Variants in DLG2 observed in about 807,000 individuals in gnomAD.
DLG2 encodes the protein disks large homolog 2.
A neutral mutation model predicts 132.5 loss-of-function variants in DLG2; 45 were observed. The ratio of observed to expected loss-of-function variants is 0.34; its 90% CI spans 0.27 to 0.44. The LOEUF (loss-of-function observed/expected upper bound fraction) is 0.44. Ranked by LOEUF, DLG2 falls within the 20% of genes least tolerant of loss-of-function variation. DLG2 has a pLI of 1.00. For missense variants in DLG2, 1,045 were observed against 1,196.9 expected, an observed-to-expected ratio of 0.87 and a Z score of 1.87; for synonymous variants, 424 against 419.6, an observed-to-expected ratio of 1.01 and a Z score of -0.13.
intron 19 of DLG2, among the ~76,000 whole-genome samples, chr11:83,562,837 G>A (rs1339695155): frequency 6.6e-6 from 1 of 151,942 alleles, no homozygotes; most frequent in Non-Finnish European, 1.5e-5. Flanking sequence ...AATCTGGATG[G>A]CAAACTCCAC....
intron 18 of DLG2, among the ~76,000 whole-genome samples, chr11:83,694,307 A>G (rs2081497033): frequency 6.6e-6 from 1 of 152,198 alleles, no homozygotes; most frequent in Non-Finnish European, 1.5e-5. Context: ...AACATCCTAC[A>G]GGGCTGCCTG....
intron 6 of DLG2, among the ~76,000 whole-genome samples, chr11:85,081,662 C>A (rs1286797937): frequency 7.2e-5 from 11 of 152,156 alleles, no homozygotes; most frequent in Admixed American, 7.2e-4. Flanking sequence ...TGCCCAAGGT[C>A]CAATTATGAG....
intron 3 of DLG2, among the ~76,000 whole-genome samples, chr11:85,545,984 G>C (rs2076298182): frequency 6.6e-6 from 1 of 151,902 alleles, no homozygotes; most frequent in Non-Finnish European, 1.5e-5. Context: ...TTGTGTCTCT[G>C]TCTCCTTCAG....
At chr11:84,882,224 A>G (rs2087460081) in intron 6 of DLG2, among the ~76,000 whole-genome samples, 1 of 152,100 alleles carries the variant, frequency 6.6e-6, no homozygotes, top group African/African-American at 2.4e-5. Flanking sequence ...TCTGAAGGAA[A>G]TGTAAATCAT....
chr11:84,448,508 C>G (rs2099042222), intron 7 of DLG2, among the ~76,000 whole-genome samples: 1 of 152,142 alleles, frequency 6.6e-6, no homozygotes. Context: ...CCAATGTGCT[C>G]TATAAATTTG....
chr11:83,763,599 C>T (rs2094009441), intron 18 of DLG2, among the ~76,000 whole-genome samples: 1 of 152,154 alleles, frequency 6.6e-6, no homozygotes, highest in Admixed American at 6.5e-5. Context: ...GAATGATCAC[C>T]ATATTTCATC....
At chr11:84,736,763 C>T (rs1253935204) in intron 6 of DLG2, among the ~76,000 whole-genome samples, 1 of 151,898 alleles carries the variant, frequency 6.6e-6, no homozygotes, top group South Asian at 2.1e-4. Context: ...GCTAAACTCA[C>T]CTATTAGTCT....
At chr11:85,302,306 A>T (rs951104250) in intron 3 of DLG2, among the ~76,000 whole-genome samples, 1 of 30,302 alleles carries the variant, frequency 3.3e-5, no homozygotes, top group African/African-American at 1.0e-4. Context: ...TAAAGAAATA[A>T]CATATTTTAC....
intron 24 of DLG2, among the ~76,000 whole-genome samples, chr11:83,470,541 C>T (rs1331102142): frequency 6.6e-6 from 1 of 152,102 alleles, no homozygotes; most frequent in African/African-American, 2.4e-5. Context: ...TGCTTAAGTA[C>T]CTTCTGTTTT....
At chr11:83,504,083 G>A (rs2094577575) in intron 21 of DLG2, among the ~76,000 whole-genome samples, 1 of 152,124 alleles carries the variant, frequency 6.6e-6, no homozygotes, top group South Asian at 2.1e-4. Flanking sequence ...GAAATAAAAT[G>A]AAGATATTTT....
At chr11:84,676,158 G>A (rs921116636) in intron 6 of DLG2, among the ~76,000 whole-genome samples, 2 of 151,980 alleles carry the variant, frequency 1.3e-5, no homozygotes, top group Non-Finnish European at 2.9e-5. Flanking sequence ...TATTTATTAA[G>A]CATAACAAAT....
chr11:84,693,685 A>G (rs1200293950), intron 6 of DLG2, among the ~76,000 whole-genome samples: 5 of 151,432 alleles, frequency 3.3e-5, no homozygotes, highest in Non-Finnish European at 7.4e-5. Flanking sequence ...ATACACTCTG[A>G]CTCCCATCCA....
chr11:84,325,322 A>T (rs1159513344), intron 7 of DLG2, among the ~76,000 whole-genome samples: 2 of 151,962 alleles, frequency 1.3e-5, no homozygotes, highest in Non-Finnish European at 2.9e-5. Context: ...TCAACTCGTC[A>T]TTTACATTAG....
At chr11:84,813,050 G>A (rs981439000) in intron 6 of DLG2, among the ~76,000 whole-genome samples, 2 of 152,042 alleles carry the variant, frequency 1.3e-5, no homozygotes, top group African/African-American at 4.8e-5. Context: ...TAGGAAGGCT[G>A]TTTATCCTTA....
At chr11:84,337,507 C>G (rs2098491961) in intron 7 of DLG2, among the ~76,000 whole-genome samples, 1 of 151,688 alleles carries the variant, frequency 6.6e-6, no homozygotes, top group African/African-American at 2.4e-5. Context: ...ATATTTTTTT[C>G]TGCAAAAAGT....
intron 3 of DLG2, among the ~76,000 whole-genome samples, chr11:85,545,687 G>T (rs557857221): frequency 3.9e-5 from 6 of 152,128 alleles, no homozygotes; most frequent in African/African-American, 1.4e-4. Flanking sequence ...GTCTATTCAG[G>T]GATTCAACTT....
chr11:83,686,705 T>G (rs2079855908), intron 18 of DLG2, among the ~76,000 whole-genome samples: 1 of 152,216 alleles, frequency 6.6e-6, no homozygotes, highest in African/African-American at 2.4e-5. Flanking sequence ...ATAACTTGTT[T>G]TTTAAAAACA....
chr11:84,968,912 G>A (rs1196640128), intron 6 of DLG2, among the ~76,000 whole-genome samples: 1 of 151,914 alleles, frequency 6.6e-6, no homozygotes. Context: ...TTAAAAACAC[G>A]TTTTACCCTT....
intron 22 of DLG2, among the ~76,000 whole-genome samples, chr11:83,474,083 C>T (rs2136730734): frequency 6.6e-6 from 1 of 152,146 alleles, no homozygotes; most frequent in South Asian, 2.1e-4. Flanking sequence ...TGCCAAGCTA[C>T]TTCTTAAGGG....
Sources: allele counts gnomAD v4.1 joint callset (sites outside exome capture counted in the v4.1 genomes callset), GRCh38; gene constraint gnomAD v4.1.1; transcripts MANE v1.5; gene names NCBI Gene and HGNC (gene_info 2026-07-23, HGNC 2026-07-21).